Variants in RBFOX1 observed in about 807,000 individuals in gnomAD.
RBFOX1 encodes RNA binding fox-1 homolog 1.
In RBFOX1, 8 loss-of-function variants were observed where a neutral mutation model predicts 57.7. The observed-to-expected ratio is 0.14, with a 90% confidence interval of 0.08 to 0.25. The LOEUF (loss-of-function observed/expected upper bound fraction) is 0.25. Among genes scored for constraint, RBFOX1 ranks in the 10% least tolerant of loss-of-function variants. RBFOX1 has a pLI of 1.00. For missense variants in RBFOX1, 611 were observed against 548.5 expected (o/e 1.11, Z -1.14); for synonymous variants, 326 against 222.4 (o/e 1.47, Z -4.15).
At chr16:5,493,042 A>G (rs922482805) in intron 2 of RBFOX1, among the ~76,000 whole-genome samples, 5 of 152,202 alleles carry the variant, frequency 3.3e-5, no homozygotes, top group Non-Finnish European at 5.9e-5. Flanking sequence ...AGCTATGTAC[A>G]TTCACTTACA....
At chr16:7,268,454 G>C (rs2095232699) in intron 4 of RBFOX1, among the ~76,000 whole-genome samples, 1 of 152,126 alleles carries the variant, frequency 6.6e-6, no homozygotes, top group Non-Finnish European at 1.5e-5. Context: ...TCGTTCCTCT[G>C]CCCAAATTGC....
intron 4 of RBFOX1, among the ~76,000 whole-genome samples, chr16:7,309,559 C>G (rs1398452735): frequency 3.3e-5 from 5 of 152,220 alleles, no homozygotes; most frequent in Admixed American, 2.6e-4. Context: ...CACCCGCCAT[C>G]TGTTTTCCTT....
At chr16:7,541,699 T>A (rs1507029) in intron 5 of RBFOX1, among the ~76,000 whole-genome samples, 28,993 of 152,156 alleles carry the variant, frequency 0.19, 2,883 homozygotes, top group East Asian at 0.34. Context: ...TGGAATGGAG[T>A]GAATGCAGGC....
chr16:5,992,067 G>A (rs1596359588), intron 4 of RBFOX1, among the ~76,000 whole-genome samples: 1 of 152,070 alleles, frequency 6.6e-6, no homozygotes, highest in Admixed American at 6.6e-5. Context: ...TTTAATGTAA[G>A]GAGAGATGAA....
intron 2 of RBFOX1, among the ~76,000 whole-genome samples, chr16:6,565,830 AGCTATGTGAG>A: frequency 6.6e-6 from 1 of 152,380 alleles, no homozygotes; most frequent in African/African-American, 2.4e-5. Context: ...AAGGATTAGC[AGCTATGTGAG>A]GCTATCAATC....
intron 3 of RBFOX1, among the ~76,000 whole-genome samples, chr16:6,684,795 G>A (rs954213879): frequency 6.6e-6 from 1 of 152,214 alleles, no homozygotes; most frequent in Non-Finnish European, 1.5e-5. Context: ...TGGAGGAAAA[G>A]AAAAATTCCT....
chr16:7,109,428 T>C (rs771260152), intron 4 of RBFOX1, among the ~76,000 whole-genome samples: 1 of 152,126 alleles, frequency 6.6e-6, no homozygotes, highest in Admixed American at 6.6e-5. Context: ...TAAGGCAATT[T>C]GGAGCCCAGA....
chr16:7,693,069 T>C (rs142237025), intron 14 of RBFOX1, among the ~76,000 whole-genome samples: 51 of 152,218 alleles, frequency 3.4e-4, no homozygotes, highest in Non-Finnish European at 6.3e-4. Context: ...TGGTAACACA[T>C]AGTATTAATA....
intron 2 of RBFOX1, among the ~76,000 whole-genome samples, chr16:6,337,205 C>G (rs1248109257): frequency 1.3e-5 from 2 of 152,178 alleles, no homozygotes; most frequent in African/African-American, 2.4e-5. Flanking sequence ...CCCCTTTTCT[C>G]TCATTTCCCC....
At chr16:6,990,989 C>G (rs920965830) in intron 3 of RBFOX1, among the ~76,000 whole-genome samples, 3 of 151,952 alleles carry the variant, frequency 2.0e-5, no homozygotes, top group African/African-American at 7.3e-5. Context: ...TCCAGATATT[C>G]TAATTTACTA....
intron 1 of RBFOX1, among the ~76,000 whole-genome samples, chr16:6,307,603 T>A (rs1449132747): frequency 1.3e-5 from 2 of 148,234 alleles, no homozygotes; most frequent in Non-Finnish European, 3.0e-5. Context: ...AACAATCTGA[T>A]ACATAATGAG....
chr16:6,989,448 A>G (rs1385887321), intron 3 of RBFOX1, among the ~76,000 whole-genome samples: 2 of 152,168 alleles, frequency 1.3e-5, no homozygotes, highest in Non-Finnish European at 2.9e-5. Flanking sequence ...TTTTCCCCAC[A>G]TATTGGTACC....
intron 3 of RBFOX1, among the ~76,000 whole-genome samples, chr16:6,880,048 A>G (rs551862785): frequency 1.4e-4 from 21 of 152,310 alleles, no homozygotes; most frequent in Admixed American, 1.2e-3. Flanking sequence ...CCATGCAAGT[A>G]AATTTTCCTC....
rs1319080155 is a variant in RBFOX1, at chr16:7,021,981, C to T, written c.-15-30076C>T. Among the ~76,000 whole-genome samples, 3 of 57,744 alleles carry T rather than the reference C, an allele frequency of 5.2e-5. No homozygotes were observed. The East Asian group carries it at 1.8e-3, about 34-fold the overall frequency. The allele number at this position is 57,744 out of a possible 152,430, so 37.9% of individuals were successfully genotyped here. On this transcript the variant is annotated intron_variant, in intron 3 of 15. Transcript: ENST00000550418. ...CTCTCTCTCTCTCCCTCCCCTTCCCCCTCCCCTTCCCCCTCCCCCTCTCCC... is the reference window on the plus strand; with the variant it reads ...CTCTCTCTCTCTCCCTCCCCTTCCCTCTCCCCTTCCCCCTCCCCCTCTCCC...
intron 1 of RBFOX1, among the ~76,000 whole-genome samples, chr16:6,175,999 G>A (rs1317769026): frequency 6.6e-6 from 1 of 152,120 alleles, no homozygotes; most frequent in Admixed American, 6.6e-5. Context: ...CTAGGTATTG[G>A]TATTTCTTTT....
intron 3 of RBFOX1, among the ~76,000 whole-genome samples, chr16:6,855,845 C>CTTTCCCTG (rs1555533201): frequency 8.7e-6 from 1 of 114,674 alleles, no homozygotes; most frequent in Non-Finnish European, 1.9e-5. Context: ...TTCCCTCCCT[C>CTTTCCCTG]TTTCCCTCCC....
intron 3 of RBFOX1, among the ~76,000 whole-genome samples, chr16:5,725,879 CA>C (rs2052133950): frequency 6.6e-6 from 1 of 151,932 alleles, no homozygotes; most frequent in Admixed American, 6.6e-5. Flanking sequence ...CTGGGTTCAG[CA>C]GGTTTGCTGC....
At chr16:6,132,203 G>A (rs529224939) in intron 1 of RBFOX1, among the ~76,000 whole-genome samples, 1 of 152,276 alleles carries the variant, frequency 6.6e-6, no homozygotes, top group Non-Finnish European at 1.5e-5. Context: ...CGATCATGGG[G>A]GACACTTTCG....
chr16:5,447,378 ATCTCTCTCTC>A (rs71142623), intron 1 of RBFOX1, among the ~76,000 whole-genome samples: 7 of 134,460 alleles, frequency 5.2e-5, no homozygotes, highest in East Asian at 4.5e-4. Context: ...CAATCAATCA[ATCTCTCTCTC>A]TCTCTCTCTC....
Sources: gnomAD v4.1 joint callset for allele counts (sites outside exome capture counted in the v4.1 genomes callset) on GRCh38, gnomAD v4.1.1 for gene constraint, MANE v1.5 for transcripts, NCBI Gene and HGNC (gene_info 2026-07-23, HGNC 2026-07-21) for gene names.